Variants in RELN observed in about 807,000 individuals in gnomAD.
RELN encodes the protein reelin.
A neutral mutation model predicts 427.6 loss-of-function variants in RELN; 108 were observed. That is an observed-to-expected ratio of 0.25 (90% CI 0.22 to 0.30). RELN has a LOEUF of 0.30. RELN is among the 10% of genes least tolerant of loss of function. The probability of loss-of-function intolerance (pLI) is 1.00; values close to 1 mark genes in which losing one functional copy is unlikely to be tolerated. For synonymous variants in RELN, 1,524 were observed against 1,513.4 expected, an observed-to-expected ratio of 1.01 and a Z score of -0.16; for missense variants, 3,715 against 4,302.8, an observed-to-expected ratio of 0.86 and a Z score of 3.82.
rs1350977584 is a variant in RELN at position 103,626,511 on chromosome 7, C to T, written c.2702+3429G>A. 3.9e-5 allele frequency among the ~76,000 whole-genome samples: 6 copies of T among 152,012 alleles called. 1 individual carries two copies. Among genetic ancestry groups the T allele is most frequent in the East Asian group, 1.9e-4 (1 of 5,182 alleles). On this transcript the variant is annotated intron_variant, in intron 20 of 64. Coordinates refer to ENST00000428762, the MANE Select transcript of RELN (RefSeq NM_005045.4). This position sits in a 1 kb window ranked among gnomAD's most constrained non-coding sequence, Gnocchi z 4.4. ...GATTACAGGCATGTGTCACCACGCT[C>T]GGCTAGTTTGTGTATTTTCAGTAGA...
intron 2 of RELN, among the ~76,000 whole-genome samples, chr7:103,862,641 T>C (rs999165679): frequency 3.3e-5 from 5 of 152,104 alleles, no homozygotes; most frequent in Admixed American, 6.6e-5. Flanking sequence ...GCATGTCATA[T>C]GATGGGTCTT....
At chr7:103,735,431 A>C (rs2115977127) in intron 6 of RELN, among the ~76,000 whole-genome samples, 1 of 152,236 alleles carries the variant, frequency 6.6e-6, no homozygotes. Context: ...ACAGAGGAAG[A>C]TGAAGTGAAA....
intron 3 of RELN, among the ~76,000 whole-genome samples, chr7:103,779,991 G>T (rs1791845884): frequency 6.6e-6 from 1 of 152,204 alleles, no homozygotes; most frequent in South Asian, 2.1e-4. Flanking sequence ...CTCCCAAAGT[G>T]CTGGGATTAC....
rs1418637131 is a variant in RELN at position 103,988,356 on chromosome 7, C to T, written c.226+775G>A. 6.6e-6 allele frequency among the ~76,000 whole-genome samples: 1 copy of T among 152,098 alleles called. No individual in the cohort carries two copies. The highest frequency in any genetic ancestry group is 2.4e-5 in the African/African-American group (1 of 41,426). Reference sequence around the variant, plus strand: ...TTGATGCAGGGCTGCATAATGATTCCATTTTTAAGATACCTCTAAATTATA... The same window carrying T: ...TTGATGCAGGGCTGCATAATGATTCTATTTTTAAGATACCTCTAAATTATA... On this transcript the variant is annotated intron_variant, in intron 1 of 64. Coordinates refer to ENST00000428762, the MANE Select transcript of RELN (RefSeq NM_005045.4). This position sits in a 1 kb window ranked among gnomAD's most constrained non-coding sequence, Gnocchi z 4.9.
intron 3 of RELN, among the ~76,000 whole-genome samples, chr7:103,796,386 C>T (rs2116291364): frequency 6.6e-6 from 1 of 152,330 alleles, no homozygotes; most frequent in South Asian, 2.1e-4. Flanking sequence ...AATCTATCAT[C>T]ATTCCCAGAG....
chr7:103,575,421 C>G, intron 29 of RELN, 127 bp downstream of exon 29: 1 of 1,120,696 alleles, frequency 8.9e-7, no homozygotes, highest in Non-Finnish European at 1.3e-6. Flanking sequence ...GTTGTGAATT[C>G]CTACAATTCC....
At position 103,472,230 on chromosome 7, in the gene RELN, T is replaced by G. The variant is rs960251405; in HGVS notation, c.*582A>C. The stretch of plus-strand genomic sequence containing the variant: ...GGAGTATATTAAAGGAGATACAATA[T>G]CTTTACAACTATCTTCTTGAATAGG... On this transcript the variant is annotated 3_prime_UTR_variant, in exon 65 of 65. Coordinates refer to ENST00000428762, the MANE Select transcript of RELN (RefSeq NM_005045.4). The G allele has an allele frequency of 6.3e-6, 1 of 157,556 alleles. No individual in the cohort carries two copies. The highest frequency in any genetic ancestry group is 1.4e-5 in the Non-Finnish European group (1 of 70,904). The allele number at this position is 157,556 out of a possible 1,614,324, so 9.8% of individuals were successfully genotyped here.
chr7:103,940,127 AT>A (rs941073501), intron 1 of RELN, among the ~76,000 whole-genome samples: 7 of 152,332 alleles, frequency 4.6e-5, no homozygotes, highest in African/African-American at 1.4e-4. Context: ...ACAAAAAACC[AT>A]TTTAATCTTC....
In RELN at chr7:103,620,053, G is replaced by A. The variant is rs1011946305; in HGVS notation, c.2703-8250C>T. ...CCCAAATCTCATCTTGCATTGTGGTGCCCATAATTCCTACGTGTTGTGGGA... is the reference window on the plus strand; with the variant it reads ...CCCAAATCTCATCTTGCATTGTGGTACCCATAATTCCTACGTGTTGTGGGA... On this transcript the variant is annotated intron_variant, in intron 20 of 64. Transcript: ENST00000428762. The surrounding 1 kb of genome is among the most constrained non-coding windows in gnomAD (Gnocchi z 4.1). 3.3e-5 allele frequency among the ~76,000 whole-genome samples: 5 copies of A among 152,152 alleles called. No homozygotes were observed. The highest frequency in any genetic ancestry group is 1.2e-4 in the African/African-American group (5 of 41,450).
chr7:103,906,779 C>A (rs1391578879), intron 2 of RELN, among the ~76,000 whole-genome samples: 2 of 152,158 alleles, frequency 1.3e-5, no homozygotes, highest in Non-Finnish European at 2.9e-5. Context: ...GCCTATCTCT[C>A]CTGAGTGGCA....
At position 103,483,998 on chromosome 7, in the gene RELN, G is replaced by A. The variant is rs1019078292; in HGVS notation, c.9984-148C>T. On this transcript the variant is annotated intron_variant, in intron 61 of 64. Transcript: ENST00000428762. ...GGGTTCAAGCGATTTTCCTGCCTCG[G>A]TCTCCCTAGTAGCTGGCATAACAGG... 6.6e-6 allele frequency: 5 copies of A among 757,932 alleles called. No individual in the cohort carries two copies. In the African/African-American group the frequency reaches 8.7e-5, roughly 13 times the overall value. 47.0% of individuals were successfully genotyped at this position (757,932 alleles called of 1,614,324 possible). A position where few individuals can be genotyped will look rare whatever the true frequency, so the allele number is the denominator to read the frequency against.
At chr7:103,630,902 C>T (rs1050654216) in intron 19 of RELN, among the ~76,000 whole-genome samples, 1 of 115,916 alleles carries the variant, frequency 8.6e-6, no homozygotes, top group Admixed American at 1.0e-4. Context: ...CAAATAAAAA[C>T]TTCCTAAGCC....
chr7:103,960,806 T>G (rs568034941), intron 1 of RELN, among the ~76,000 whole-genome samples: 3 of 152,336 alleles, frequency 2.0e-5, no homozygotes, highest in Admixed American at 6.5e-5. Flanking sequence ...CAATCCTTCC[T>G]TATATACAGA....
At chr7:103,814,915 G>T (rs1002508003) in intron 3 of RELN, among the ~76,000 whole-genome samples, 28 of 152,178 alleles carry the variant, frequency 1.8e-4, no homozygotes, top group African/African-American at 6.3e-4. Context: ...TTTCTAAAAA[G>T]ATAGTATTAT....
chr7:103,825,015 G>T (rs982323294), intron 3 of RELN, among the ~76,000 whole-genome samples: 3 of 151,928 alleles, frequency 2.0e-5, no homozygotes, highest in Admixed American at 2.0e-4. Context: ...AAGGAACTTA[G>T]TAGGCTGCCT....
intron 1 of RELN, among the ~76,000 whole-genome samples, chr7:103,964,581 G>T (rs1796625534): frequency 6.6e-6 from 1 of 152,150 alleles, no homozygotes; most frequent in African/African-American, 2.4e-5. Context: ...ATTATTTAAA[G>T]AATTGCACCT....
intron 4 of RELN, among the ~76,000 whole-genome samples, chr7:103,776,290 A>G (rs1306434476): frequency 6.6e-6 from 1 of 152,236 alleles, no homozygotes; most frequent in Non-Finnish European, 1.5e-5. Flanking sequence ...TACTACTAAG[A>G]TTTGTACTTC....
At chr7:103,733,321 A>G (rs1790403295) in intron 6 of RELN, among the ~76,000 whole-genome samples, 1 of 149,650 alleles carries the variant, frequency 6.7e-6, no homozygotes, top group Non-Finnish European at 1.5e-5. Context: ...GAGAAATAGG[A>G]ACACTTTTAC....
At chr7:103,771,109 G>C (rs911005045) in intron 4 of RELN, among the ~76,000 whole-genome samples, 1 of 151,584 alleles carries the variant, frequency 6.6e-6, no homozygotes, top group African/African-American at 2.4e-5. Flanking sequence ...TAGAGGTGGG[G>C]TTTCACTATG....
Sources: gnomAD v4.1 joint callset for allele counts (sites outside exome capture counted in the v4.1 genomes callset) on GRCh38, gnomAD v4.1.1 for gene constraint, Gnocchi (gnomAD v3.1) non-coding constraint, MANE v1.5 for transcripts, NCBI Gene and HGNC (gene_info 2026-07-23, HGNC 2026-07-21) for gene names.